Variants in MYOM2 observed in about 807,000 individuals in gnomAD.
The protein encoded by MYOM2 is myomesin 2.
A neutral mutation model predicts 187.6 loss-of-function variants in MYOM2; 254 were observed. That is an observed-to-expected ratio of 1.35 (90% CI 1.22 to 1.50). MYOM2 has a LOEUF of 1.50. Among genes scored for constraint, MYOM2 ranks in the 40% most tolerant of loss-of-function variants. MYOM2 has a pLI of 0.00. For missense variants in MYOM2, 2,796 were observed against 1,924.0 expected (o/e 1.45, Z -8.48); for synonymous variants, 981 against 753.8 (o/e 1.30, Z -4.94).
chr8:2,086,366 T>G lies in MYOM2; in HGVS notation c.1644+976T>G, dbSNP rs1353951536. Reference sequence around the variant, plus strand: ...TTGTGATCTCTGCGTGGCCTCCCACTGTTGTGATCTCTGCGTGGCCTCCCA... The same window carrying G: ...TTGTGATCTCTGCGTGGCCTCCCACGGTTGTGATCTCTGCGTGGCCTCCCA... On this transcript the variant is annotated intron_variant, in intron 14 of 36. Transcript: ENST00000262113. Among the ~76,000 whole-genome samples the G allele has an allele frequency of 1.6e-3, 114 of 69,562 alleles. 34 individuals carry two copies. The highest frequency in any genetic ancestry group is 3.0e-3 in the Admixed American group (23 of 7,696). The allele number at this position is 69,562 out of a possible 152,430, so 45.6% of individuals were successfully genotyped here.
At position 2,069,302 on chromosome 8, in the gene MYOM2, A is replaced by T. The variant is rs113635726; in HGVS notation, c.678A>T (p.Thr226=). 164 of 1,613,326 alleles carry T rather than the reference A, an allele frequency of 1.0e-4. No homozygotes were observed. In the African/African-American group the frequency reaches 1.8e-3, roughly 18 times the overall value. The part of the protein sequence containing the change: ...INRADFDDTA[T]YSAVATNAHG... The stretch of plus-strand genomic sequence containing the variant: ...GGGCAGACTTTGACGACACTGCGAC[A>T]TACTCAGCAGTGGCCACCAATGCCC... Residue 226 remains threonine, a synonymous_variant, in exon 7 of 37, where the codon ACA becomes ACT. Transcript: ENST00000262113.
intron 24 of MYOM2, among the ~76,000 whole-genome samples, 172 bp downstream of exon 24, chr8:2,109,002 A>G (rs985342129): frequency 2.0e-5 from 3 of 152,230 alleles, no homozygotes; most frequent in African/African-American, 4.8e-5. Flanking sequence ...AGCTTATATT[A>G]TAGCTTGTTG....
intron 28 of MYOM2, among the ~76,000 whole-genome samples, chr8:2,121,085 G>A: frequency 6.6e-6 from 1 of 152,096 alleles, no homozygotes; most frequent in East Asian, 1.9e-4. Flanking sequence ...AATCCTGCCA[G>A]GTGACTGATG....
chr8:2,076,174 C>T lies in MYOM2; in HGVS notation c.1154C>T (p.Ala385Val). The T allele has an allele frequency of 6.2e-7, 1 of 1,613,090 alleles. No individual in the cohort carries two copies. Among genetic ancestry groups the T allele is most frequent in the South Asian group, 1.1e-5 (1 of 90,842 alleles). Reference sequence around the variant, plus strand: ...CCGCTGGTCACAGGGGCCCCCGGTGCACCCATGGACTTGCAGTGCCACGAC... The same window carrying T: ...CCGCTGGTCACAGGGGCCCCCGGTGTACCCATGGACTTGCAGTGCCACGAC... ...ADPLVTGAPGAPMDLQCHDAN... is the reference protein window; with the variant it reads ...ADPLVTGAPGVPMDLQCHDAN... The change falls in exon 11 of 37, where the codon GCA (alanine) becomes GTA (valine). Residue 385 changes from alanine to valine, a missense_variant. By Grantham distance (64) the Ala-to-Val change is moderately conservative. Transcript: ENST00000262113.
chr8:2,057,475 A>G lies in MYOM2; in HGVS notation c.391A>G (p.Ile131Val). ...QARDKLDKYA[I>V]QQMMEDKLAW... is the part of the protein sequence containing the mutation. ...CCGCGACAAGCTGGACAAATACGCC[A>G]TTCAGCAGATGGTAGGAGGGTCTCA... The change falls in exon 4 of 37, where the codon ATT (isoleucine) becomes GTT (valine). Residue 131 changes from isoleucine (I) to valine (V), a missense_variant. Coordinates refer to ENST00000262113, the MANE Select transcript of MYOM2 (RefSeq NM_003970.4). 6.2e-7 allele frequency: 1 copy of G among 1,614,046 alleles called. No homozygotes were observed.
intron 29 of MYOM2, 33 bp from the exon 30 acceptor site, chr8:2,123,522 T>C (rs1331899867): frequency 5.0e-6 from 8 of 1,586,914 alleles, no homozygotes; most frequent in Non-Finnish European, 6.9e-6. Flanking sequence ...CAGTATTGAC[T>C]TTACATAAAT....
chr8:2,128,297 C>T (rs1797726322), intron 31 of MYOM2, among the ~76,000 whole-genome samples: 1 of 152,110 alleles, frequency 6.6e-6, no homozygotes, highest in African/African-American at 2.4e-5. Context: ...ATATAAATTT[C>T]AAGTTGCTTC....
At chr8:2,112,389 C>G (rs1797095960) in intron 25 of MYOM2, among the ~76,000 whole-genome samples, 1 of 117,862 alleles carries the variant, frequency 8.5e-6, no homozygotes, top group Non-Finnish European at 1.7e-5. Flanking sequence ...AGGTAGAAAT[C>G]ATGGGTCGGG....
Position 2,142,388 on chromosome 8 carries a change from G to T in MYOM2, c.4015G>T (p.Ala1339Ser). Residue 1339 changes from alanine (A) to serine (S), a missense_variant, in exon 35 of 37, where the codon GCA (alanine) becomes TCA (serine). Transcript: ENST00000262113. ...EFQQFKAAAF[A>S]EKNRGRLIGG... ...TTTAACTTTTAGAGCTGCTGCTTTTGCAGAGAAGAGTAAGTACCTGTTGGA... is the reference window on the plus strand; with the variant it reads ...TTTAACTTTTAGAGCTGCTGCTTTTTCAGAGAAGAGTAAGTACCTGTTGGA... 6.2e-7 allele frequency: 1 copy of T among 1,613,778 alleles called. No homozygotes were observed. The highest frequency in any genetic ancestry group is 1.1e-5 in the South Asian group (1 of 91,074).
intron 6 of MYOM2, 152 bp downstream of exon 6, chr8:2,059,397 T>C: frequency 1.6e-6 from 1 of 631,346 alleles, no homozygotes; most frequent in Non-Finnish European, 2.7e-6. Flanking sequence ...TTAATGGTAC[T>C]GGTGTTGGAA....
intron 1 of MYOM2, 38 bp from the exon 2 acceptor site, chr8:2,050,717 G>T: frequency 7.8e-7 from 1 of 1,274,058 alleles, no homozygotes; most frequent in Non-Finnish European, 1.1e-6. Flanking sequence ...CATGATGCTT[G>T]CGAGGGAGCT....
intron 19 of MYOM2, among the ~76,000 whole-genome samples, chr8:2,099,316 A>T (rs1331318957): frequency 6.6e-6 from 1 of 152,208 alleles, no homozygotes; most frequent in Non-Finnish European, 1.5e-5. Context: ...GATTTGGCCC[A>T]GGTCACCTAC....
rs563247169 is a variant in MYOM2, at chr8:2,140,063, A to G, written c.3801-660A>G. Among the ~76,000 whole-genome samples, 20 of 152,200 alleles carry G rather than the reference A, an allele frequency of 1.3e-4. No individual in the cohort carries two copies. In the East Asian group the frequency reaches 3.7e-3, roughly 28 times the overall value. On this transcript the variant is annotated intron_variant, in intron 32 of 36. Coordinates refer to ENST00000262113, the MANE Select transcript of MYOM2 (RefSeq NM_003970.4). ...GAAACTCTGTTCCCATTAAACCCTC[A>G]GTCCCCATTCCCCTCCCCCAGCCCC... is the stretch of plus-strand genomic sequence containing the variant.
chr8:2,069,264 T>A lies in MYOM2; in HGVS notation c.654-14T>A. ...ACAGTCCCGCAGACTTTCTCTTGTT[T>A]TTTTCTCTCCAAGGGCAGACTTTGA... On this transcript the variant is annotated splice_polypyrimidine_tract_variant and intron_variant, in intron 6 of 36. Coordinates refer to ENST00000262113, the MANE Select transcript of MYOM2 (RefSeq NM_003970.4). The A allele has an allele frequency of 1.9e-6, 3 of 1,603,456 alleles. No homozygotes were observed. Among genetic ancestry groups the A allele is most frequent in the Non-Finnish European group, 2.6e-6 (3 of 1,173,262 alleles).
Position 2,091,510 on chromosome 8 carries a change from C to A in MYOM2, c.1829-836C>A, listed in dbSNP as rs374374357. ...CCCTGGAAATCCCCAGAAGCCTTCACGGGAGGCACATTGGTGTCAGGAACG... is the reference window on the plus strand; with the variant it reads ...CCCTGGAAATCCCCAGAAGCCTTCAAGGGAGGCACATTGGTGTCAGGAACG... On this transcript the variant is annotated intron_variant, in intron 15 of 36. Coordinates refer to ENST00000262113, the MANE Select transcript of MYOM2 (RefSeq NM_003970.4). Among the ~76,000 whole-genome samples, 9 of 152,298 alleles carry A rather than the reference C, an allele frequency of 5.9e-5. No homozygotes were observed. The East Asian group carries it at 1.7e-3, about 29-fold the overall frequency.
Position 2,064,699 on chromosome 8 carries a change from T to A in MYOM2, c.654-4579T>A, listed in dbSNP as rs138177370. Among the ~76,000 whole-genome samples the A allele has an allele frequency of 2.7e-4, 41 of 152,292 alleles. No individual in the cohort carries two copies. In the East Asian group the frequency reaches 7.7e-3, roughly 29 times the overall value. ...GCCTGAAGTCAATTGAAAAACAAGC[T>A]CCTTGCCCTTTGGGAGAGGCTGCTG... On this transcript the variant is annotated intron_variant, in intron 6 of 36. Transcript: ENST00000262113.
intron 13 of MYOM2, chr8:2,082,271 C>G (rs1039729995): frequency 1.3e-5 from 2 of 152,160 alleles, no homozygotes; most frequent in African/African-American, 2.4e-5. Context: ...AATATGTCCT[C>G]TAACTTAAAA....
chr8:2,085,311 T>C lies in MYOM2; in HGVS notation c.1565T>C (p.Ile522Thr). Residue 522 changes from isoleucine to threonine, a missense_variant, in exon 14 of 37, where the codon ATC (isoleucine) becomes ACC (threonine). Ile to Thr is a moderately conservative substitution (Grantham distance 89). Coordinates refer to ENST00000262113, the MANE Select transcript of MYOM2 (RefSeq NM_003970.4). ...GPPTGVHASE[I>T]SRNYVVLSWE... ...CCCACCGGTGTGCACGCTTCCGAGATCAGCAGAAACTATGTCGTCCTCAGC... is the reference window on the plus strand; with the variant it reads ...CCCACCGGTGTGCACGCTTCCGAGACCAGCAGAAACTATGTCGTCCTCAGC... 6.2e-7 allele frequency: 1 copy of C among 1,614,060 alleles called. No individual in the cohort carries two copies. The highest frequency in any genetic ancestry group is 8.5e-7 in the Non-Finnish European group (1 of 1,180,002).
At chr8:2,056,096 A>G (rs1818654410) in intron 3 of MYOM2, among the ~76,000 whole-genome samples, 1 of 152,204 alleles carries the variant, frequency 6.6e-6, no homozygotes, top group African/African-American at 2.4e-5. Context: ...TACAGAGGTG[A>G]GAAGTAGCCA....
Sources: gnomAD v4.1 joint callset for allele counts (sites outside exome capture counted in the v4.1 genomes callset) on GRCh38, gnomAD v4.1.1 for gene constraint, MANE v1.5 for transcripts, NCBI Gene and HGNC (gene_info 2026-07-23, HGNC 2026-07-21) for gene names.